ASAP1: variants seen among roughly 807,000 people sequenced by gnomAD.
ASAP1 encodes the protein arf-GAP with SH3 domain, ANK repeat and PH domain-containing protein 1.
A neutral mutation model predicts 145.2 loss-of-function variants in ASAP1; 43 were observed. That is an observed-to-expected ratio of 0.30 (90% CI 0.23 to 0.38). ASAP1 has a LOEUF of 0.38. Ranked by LOEUF, ASAP1 falls within the 10% of genes least tolerant of loss-of-function variation. The pLI is 1.00. For missense variants in ASAP1, 1,018 were observed against 1,355.3 expected (o/e 0.75, Z 3.91); for synonymous variants, 546 against 515.5 (o/e 1.06, Z -0.80).
chr8:130,115,774 T>C (rs1314954195), intron 22 of ASAP1, 39 bp from the exon 23 acceptor site: 6 of 1,404,694 alleles, frequency 4.3e-6, no homozygotes, highest in Non-Finnish European at 6.0e-6. Flanking sequence ...TTAATTTAAA[T>C]GCTGAAACAT....
At chr8:130,391,715 T>C (rs528885776) in intron 2 of ASAP1, among the ~76,000 whole-genome samples, 9 of 152,334 alleles carry the variant, frequency 5.9e-5, no homozygotes, top group Admixed American at 2.6e-4. Flanking sequence ...TCAGTGGCAA[T>C]AGATATCTAA....
intron 3 of ASAP1, among the ~76,000 whole-genome samples, chr8:130,357,440 T>C (rs894828601): frequency 6.6e-6 from 1 of 152,338 alleles, no homozygotes; most frequent in South Asian, 2.1e-4. Context: ...ACAGATCTCT[T>C]TCCATCTGGG....
At chr8:130,361,763 C>T in intron 2 of ASAP1, 1 of 1,533,942 alleles carries the variant, frequency 6.5e-7, no homozygotes, top group East Asian at 2.4e-5. Context: ...GAAAATCATT[C>T]CTGGATATCT....
chr8:130,126,227 G>GACA, intron 16 of ASAP1, 138 bp from the exon 17 acceptor site: 2 of 845,230 alleles, frequency 2.4e-6, no homozygotes, highest in Non-Finnish European at 3.5e-6. Flanking sequence ...ATGGACTCTT[G>GACA]AGGTTTAGCC....
intron 3 of ASAP1, among the ~76,000 whole-genome samples, chr8:130,309,600 C>T (rs551809012): frequency 4.4e-4 from 67 of 152,258 alleles, no homozygotes; most frequent in African/African-American, 1.4e-3. Context: ...ACATGCGGCT[C>T]TCACCACAGA....
intron 18 of ASAP1, among the ~76,000 whole-genome samples, chr8:130,118,997 A>C (rs2097561026): frequency 2.0e-5 from 3 of 152,262 alleles, no homozygotes; most frequent in African/African-American, 7.2e-5. Context: ...TAAGCATATG[A>C]ATAAATTTAA....
intron 5 of ASAP1, among the ~76,000 whole-genome samples, chr8:130,213,947 C>T (rs74823608): frequency 0.022 from 3,336 of 152,266 alleles, 42 homozygotes; most frequent in Non-Finnish European, 0.031. Flanking sequence ...GTCTGCCTCC[C>T]GGGGCCAGCA....
chr8:130,340,213 C>T (rs918729852), intron 3 of ASAP1, among the ~76,000 whole-genome samples: 1 of 152,198 alleles, frequency 6.6e-6, no homozygotes. Flanking sequence ...GGATCCCACA[C>T]ATCTGTGTGA....
chr8:130,059,339 T>C (rs2097412355), intron 28 of ASAP1, among the ~76,000 whole-genome samples: 1 of 152,134 alleles, frequency 6.6e-6, no homozygotes, highest in South Asian at 2.1e-4. Flanking sequence ...AATTAATTTT[T>C]ATTTTTTATA....
intron 3 of ASAP1, among the ~76,000 whole-genome samples, chr8:130,257,731 T>G (rs188940812): frequency 1.3e-5 from 2 of 151,990 alleles, no homozygotes. Context: ...ATTTCTGTTT[T>G]TTAAAAAATG....
chr8:130,202,793 C>A (rs1400150272), intron 5 of ASAP1, among the ~76,000 whole-genome samples: 6 of 152,106 alleles, frequency 3.9e-5, no homozygotes, highest in Non-Finnish European at 8.8e-5. Context: ...CAATTATATC[C>A]AACTTCAAAG....
intron 3 of ASAP1, among the ~76,000 whole-genome samples, chr8:130,276,464 G>A (rs1413186020): frequency 3.9e-5 from 6 of 152,084 alleles, no homozygotes; most frequent in Non-Finnish European, 7.4e-5. Flanking sequence ...CATGGACTAC[G>A]AAGAACCAGC....
intron 18 of ASAP1, among the ~76,000 whole-genome samples, chr8:130,122,584 T>C (rs925441430): frequency 3.9e-5 from 6 of 152,178 alleles, no homozygotes; most frequent in African/African-American, 9.7e-5. Context: ...CCCTATGAGG[T>C]AGATATATGT....
intron 1 of ASAP1, among the ~76,000 whole-genome samples, chr8:130,422,275 C>A (rs1829751444): frequency 6.6e-6 from 1 of 152,068 alleles, no homozygotes; most frequent in Non-Finnish European, 1.5e-5. Flanking sequence ...GAGATGAAGC[C>A]GATGAGGACT....
chr8:130,276,728 A>ACACACACTCTCTCTCTCTCT lies in ASAP1; in HGVS notation c.187-39735_187-39734insAGAGAGAGAGAGAGTGTGTG, dbSNP rs548512902. 7.8e-3 allele frequency among the ~76,000 whole-genome samples: 681 copies of ACACACACTCTCTCTCTCTCT among 87,206 alleles called. 8 individuals carry two copies. The highest frequency in any genetic ancestry group is 0.011 in the Non-Finnish European group (511 of 45,352). The allele number at this position is 87,206 out of a possible 152,430, so 57.2% of individuals were successfully genotyped here. On this transcript the variant is annotated intron_variant, in intron 3 of 29. Transcript: ENST00000518721. Reference sequence around the variant, plus strand: ...CACACACACACACACACACACACACACTCTCTCTCTCTCTCTCTCTCTCTC... The same window carrying ACACACACTCTCTCTCTCTCT: ...CACACACACACACACACACACACACACACACACTCTCTCTCTCTCTCTCTCTCTCTCTCTCTCTCTCTCTC...
At chr8:130,442,382 T>C (rs1293796201) in intron 1 of ASAP1, among the ~76,000 whole-genome samples, 3 of 152,180 alleles carry the variant, frequency 2.0e-5, no homozygotes, top group Non-Finnish European at 4.4e-5. Flanking sequence ...ATCTTTTTCT[T>C]TCCAAACTGT....
chr8:130,432,114 G>A (rs1015395361), intron 1 of ASAP1, among the ~76,000 whole-genome samples: 1 of 125,004 alleles, frequency 8.0e-6, no homozygotes, highest in Non-Finnish European at 1.7e-5. Flanking sequence ...AGGGGGAGAG[G>A]GAAGAGGAGG....
At chr8:130,289,199 AAAAC>A (rs1821802598) in intron 3 of ASAP1, among the ~76,000 whole-genome samples, 1 of 152,176 alleles carries the variant, frequency 6.6e-6, no homozygotes, top group Non-Finnish European at 1.5e-5. Context: ...ACAAAAAACA[AAAAC>A]AAACAAAAAA....
At chr8:130,268,533 A>ACACACACACG (rs1315695450) in intron 3 of ASAP1, among the ~76,000 whole-genome samples, 3 of 147,982 alleles carry the variant, frequency 2.0e-5, no homozygotes, top group Admixed American at 6.7e-5. Context: ...ACACACACAC[A>ACACACACACG]CAACTGTGTA....
Sources: allele counts gnomAD v4.1 joint callset (sites outside exome capture counted in the v4.1 genomes callset), GRCh38; gene constraint gnomAD v4.1.1; transcripts MANE v1.5; gene names NCBI Gene and HGNC (gene_info 2026-07-23, HGNC 2026-07-21).